Variants in ADAMTS17 observed in about 807,000 individuals in gnomAD.
The protein encoded by ADAMTS17 is A disintegrin and metalloproteinase with thrombospondin motifs 17.
Under a neutral mutation model 141.5 loss-of-function variants are expected in ADAMTS17, and 113 were observed. The ratio of observed to expected loss-of-function variants is 0.80; its 90% CI spans 0.69 to 0.93. The LOEUF is 0.93. ADAMTS17 is among the 40% of genes least tolerant of loss of function. The pLI is 0.00. For synonymous variants in ADAMTS17, 768 were observed against 630.6 expected (o/e 1.22, Z -3.27); for missense variants, 1,659 against 1,517.9 (o/e 1.09, Z -1.54).
chr15:100,235,712 G>C (rs1431096670), intron 7 of ADAMTS17, among the ~76,000 whole-genome samples: 1 of 152,136 alleles, frequency 6.6e-6, no homozygotes, highest in African/African-American at 2.4e-5. Context: ...CACCACGGAG[G>C]ACTTCCAGGG....
At chr15:100,037,856 C>G (rs939137834) in intron 18 of ADAMTS17, among the ~76,000 whole-genome samples, 1 of 152,126 alleles carries the variant, frequency 6.6e-6, no homozygotes, top group Non-Finnish European at 1.5e-5. Flanking sequence ...TCTAGATTCA[C>G]TGCAGCCTCG....
At chr15:100,095,252 C>T (rs755722082) in intron 15 of ADAMTS17, among the ~76,000 whole-genome samples, 1 of 152,192 alleles carries the variant, frequency 6.6e-6, no homozygotes, top group Non-Finnish European at 1.5e-5. Context: ...TCTTTAAAAT[C>T]CACCTGAAAT....
At chr15:100,037,127 A>G (rs73472459) in intron 18 of ADAMTS17, among the ~76,000 whole-genome samples, 11,580 of 152,138 alleles carry the variant, frequency 0.076, 1,100 homozygotes, top group African/African-American at 0.22. Context: ...TTGAGGAACT[A>G]CCAGATTTTT....
At chr15:100,055,868 G>A (rs4505295) in intron 15 of ADAMTS17, among the ~76,000 whole-genome samples, 5,922 of 152,212 alleles carry the variant, frequency 0.039, 373 homozygotes, top group African/African-American at 0.13. Flanking sequence ...TCACTTCATG[G>A]GTGAGGCAAT....
intron 14 of ADAMTS17, 97 bp downstream of exon 14, chr15:100,108,892 A>G (rs2036569156): frequency 6.2e-7 from 1 of 1,600,166 alleles, no homozygotes; most frequent in East Asian, 2.2e-5. Context: ...CCACTCCCCT[A>G]GGCCTCCTGA....
At chr15:100,013,740 G>T (rs906827904) in intron 18 of ADAMTS17, among the ~76,000 whole-genome samples, 3 of 152,152 alleles carry the variant, frequency 2.0e-5, no homozygotes, top group African/African-American at 7.2e-5. Flanking sequence ...AAATCCACTT[G>T]ATCATGGTAG....
chr15:100,267,396 T>C (rs4641723), intron 4 of ADAMTS17, among the ~76,000 whole-genome samples: 14,275 of 152,228 alleles, frequency 0.094, 700 homozygotes, highest in African/African-American at 0.13. Context: ...ACCTTGGCTG[T>C]TTTTGCCATC....
chr15:100,251,518 G>A (rs896257268), intron 7 of ADAMTS17, among the ~76,000 whole-genome samples: 3 of 152,256 alleles, frequency 2.0e-5, no homozygotes, highest in Non-Finnish European at 2.9e-5. Flanking sequence ...GAGATCAGCA[G>A]ATCGAGACCA....
chr15:100,119,873 C>G (rs1361513282), intron 12 of ADAMTS17, among the ~76,000 whole-genome samples: 1 of 152,208 alleles, frequency 6.6e-6, no homozygotes, highest in African/African-American at 2.4e-5. Context: ...CCACCTCCAC[C>G]CTATTTTTCC....
Position 100,309,477 on chromosome 15 carries a change from A to C in ADAMTS17, c.616+21412T>G, listed in dbSNP as rs559843139. ...GCCCAAGCCCCCTCAGTGAGGATGGATTTCGAGACAGGACTCAAGCTCTGG... is the reference window on the plus strand; with the variant it reads ...GCCCAAGCCCCCTCAGTGAGGATGGCTTTCGAGACAGGACTCAAGCTCTGG... On this transcript the variant is annotated intron_variant, in intron 3 of 21. Coordinates refer to ENST00000268070, the MANE Select transcript of ADAMTS17 (RefSeq NM_139057.4). 1.5e-4 allele frequency among the ~76,000 whole-genome samples: 23 copies of C among 152,244 alleles called. No individual in the cohort carries two copies. In the South Asian group the frequency reaches 4.4e-3, roughly 29 times the overall value.
intron 6 of ADAMTS17, among the ~76,000 whole-genome samples, chr15:100,258,868 C>T (rs1014973598): frequency 4.6e-5 from 7 of 152,118 alleles, no homozygotes; most frequent in Non-Finnish European, 7.3e-5. Flanking sequence ...ATTGAGGGTG[C>T]GTCATGACTG....
At chr15:100,279,384 CCT>C (rs2044208221) in intron 4 of ADAMTS17, among the ~76,000 whole-genome samples, 1 of 152,236 alleles carries the variant, frequency 6.6e-6, no homozygotes, top group Non-Finnish European at 1.5e-5. Flanking sequence ...GACCTCAAGA[CCT>C]TGGCTGCAGC....
chr15:100,286,055 G>C (rs533012544), intron 3 of ADAMTS17, among the ~76,000 whole-genome samples: 1 of 152,222 alleles, frequency 6.6e-6, no homozygotes, highest in African/African-American at 2.4e-5. Context: ...CTCCTTCATG[G>C]GCAGATGGCA....
At chr15:100,015,772 G>C (rs2061276680) in intron 18 of ADAMTS17, among the ~76,000 whole-genome samples, 3 of 152,120 alleles carry the variant, frequency 2.0e-5, no homozygotes, top group African/African-American at 4.8e-5. Flanking sequence ...TGGGTTACCT[G>C]GTGCTTCTGT....
At chr15:100,210,862 G>A (rs976121041) in intron 7 of ADAMTS17, among the ~76,000 whole-genome samples, 1 of 152,114 alleles carries the variant, frequency 6.6e-6, no homozygotes, top group African/African-American at 2.4e-5. Context: ...AGCACTTTGG[G>A]CAGCAGAGAT....
chr15:100,108,531 C>T (rs1330587411), intron 14 of ADAMTS17, among the ~76,000 whole-genome samples: 1 of 152,144 alleles, frequency 6.6e-6, no homozygotes, highest in Non-Finnish European at 1.5e-5. Flanking sequence ...GGCCATCCAG[C>T]CCTCAATGCC....
rs140865377 is a variant in ADAMTS17, at chr15:100,056,193, T to C, written c.2138-2139A>G. Among the ~76,000 whole-genome samples, 19 of 152,336 alleles carry C rather than the reference T, an allele frequency of 1.2e-4. No homozygotes were observed. In the South Asian group the frequency reaches 3.7e-3, roughly 30 times the overall value. ...AATACATACTTGGTTATATTAACTA[T>C]AGGCAAATATAGGCAAAGGGTGCAT... On this transcript the variant is annotated intron_variant, in intron 15 of 21. Coordinates refer to ENST00000268070, the MANE Select transcript of ADAMTS17 (RefSeq NM_139057.4).
intron 7 of ADAMTS17, among the ~76,000 whole-genome samples, chr15:100,230,079 C>T (rs751900992): frequency 1.3e-4 from 20 of 152,214 alleles, no homozygotes; most frequent in African/African-American, 4.1e-4. Context: ...CCAAGCTGCA[C>T]GAGCATAACC....
At chr15:100,294,651 G>A (rs1340939195) in intron 3 of ADAMTS17, among the ~76,000 whole-genome samples, 2 of 151,952 alleles carry the variant, frequency 1.3e-5, no homozygotes, top group African/African-American at 4.8e-5. Flanking sequence ...ATGATGCATT[G>A]AGCCATGACC....
Sources: gnomAD v4.1 joint callset for allele counts (sites outside exome capture counted in the v4.1 genomes callset) on GRCh38, gnomAD v4.1.1 for gene constraint, MANE v1.5 for transcripts, NCBI Gene and HGNC (gene_info 2026-07-23, HGNC 2026-07-21) for gene names.